Variants in ANKRD36B observed in about 807,000 individuals in gnomAD.
The protein encoded by ANKRD36B is ankyrin repeat domain-containing protein 36B.
In ANKRD36B, 37 loss-of-function variants were observed where a neutral mutation model predicts 135.7. That is an observed-to-expected ratio of 0.27 (90% confidence interval 0.21 to 0.36). ANKRD36B has a LOEUF of 0.36. Among genes scored for constraint, ANKRD36B ranks in the 10% least tolerant of loss-of-function variants. The pLI, the probability that ANKRD36B is intolerant of heterozygous loss-of-function variation, is 1.00. For synonymous variants in ANKRD36B, 179 were observed against 348.1 expected, an observed-to-expected ratio of 0.51 and a Z score of 5.41; for missense variants, 549 against 1,037.1, an observed-to-expected ratio of 0.53 and a Z score of 6.46.
At chr2:97,570,793 G>C (rs894461636) in intron 6 of ANKRD36B, among the ~76,000 whole-genome samples, 8 of 152,162 alleles carry the variant, frequency 5.3e-5, no homozygotes, top group African/African-American at 9.7e-5. Flanking sequence ...CCCAGAGTAG[G>C]ACTGTTTGCT....
chr2:97,549,546 T>C lies in ANKRD36B; in HGVS notation c.1404+40A>G, dbSNP rs749924435. The C allele has an allele frequency of 1.3e-5, 21 of 1,608,580 alleles. No homozygotes were observed. The South Asian group carries it at 2.2e-4, about 17-fold the overall frequency. On this transcript the variant is annotated intron_variant, in intron 19 of 43. Transcript: ENST00000359901. ...TAAATAAAGTATGTTTCATAGACCA[T>C]ACATTAACTAGTTCACAATATAAAT...
chr2:97,547,870 G>T, intron 20 of ANKRD36B, 139 bp from the exon 21 acceptor site: 1 of 1,302,132 alleles, frequency 7.7e-7, no homozygotes. Context: ...TTGTGTCTGG[G>T]GACTAGAACA....
At chr2:97,506,816 G>GAA in intron 43 of ANKRD36B, 1 of 253,396 alleles carries the variant, frequency 3.9e-6, no homozygotes, top group South Asian at 2.2e-5. Context: ...GATTTCTTGC[G>GAA]ATTTTTTTAA....
chr2:97,536,683 A>G (rs2078906601), intron 32 of ANKRD36B, among the ~76,000 whole-genome samples, 187 bp from the exon 33 acceptor site: 1 of 96,384 alleles, frequency 1.0e-5, no homozygotes, highest in South Asian at 2.3e-4. Flanking sequence ...TACAAGCTTC[A>G]AAAACATACA....
In ANKRD36B at chr2:97,553,143, C is replaced by T. The variant is rs773970122; in HGVS notation, c.1273+25G>A. 16 of 1,603,124 alleles carry T rather than the reference C, an allele frequency of 1.0e-5. No homozygotes were observed. In the Admixed American group the frequency reaches 2.4e-4, roughly 24 times the overall value. On this transcript the variant is annotated intron_variant, in intron 16 of 43. Coordinates refer to ENST00000359901, the MANE Select transcript of ANKRD36B (RefSeq NM_001393939.1). ...TCGTTTCTATCTGGATTGAACATGA[C>T]ATTGAATGTGTTTTGCAAAATTACC...
chr2:97,579,203 T>C (rs1258227245), intron 4 of ANKRD36B, among the ~76,000 whole-genome samples, 160 bp from the exon 5 acceptor site: 1 of 149,434 alleles, frequency 6.7e-6, no homozygotes, highest in African/African-American at 2.4e-5. Flanking sequence ...TCTTTGCAAG[T>C]TACCACAAAG....
chr2:97,531,480 G>A lies in ANKRD36B; in HGVS notation c.2265+831C>T, dbSNP rs376069292. ...TAAATGACGAGTTAATGGGTGCAGC[G>A]TACCAGCATGGCACATATATACATA... is the stretch of plus-strand genomic sequence containing the variant. On this transcript the variant is annotated intron_variant, in intron 35 of 43. Transcript: ENST00000359901. Among the ~76,000 whole-genome samples, 120 of 89,226 alleles carry A rather than the reference G, an allele frequency of 1.3e-3. 28 individuals carry two copies. In the East Asian group the frequency reaches 0.014, roughly 10 times the overall value. The allele number at this position is 89,226 out of a possible 152,430, so 58.5% of individuals were successfully genotyped here.
Position 97,535,721 on chromosome 2 carries a change from T to C in ANKRD36B, c.2191+579A>G, listed in dbSNP as rs574203733. On this transcript the variant is annotated intron_variant, in intron 34 of 43. Transcript: ENST00000359901. ...TCGCTAAAAACTATTGAATTCCAAA[T>C]TGGAAACTTCAGAGTATCAAAATGT... Among the ~76,000 whole-genome samples, 4 of 98,544 alleles carry C rather than the reference T, an allele frequency of 4.1e-5. 1 individual carries two copies. The highest frequency in any genetic ancestry group is 2.3e-4 in the South Asian group (1 of 4,276). 64.6% of individuals were successfully genotyped at this position (98,544 alleles called of 152,430 possible). A position where few individuals can be genotyped will look rare whatever the true frequency, so the allele number is the denominator to read the frequency against.
At chr2:97,539,484 G>A (rs1317015420) in intron 30 of ANKRD36B, among the ~76,000 whole-genome samples, 1 of 95,904 alleles carries the variant, frequency 1.0e-5, no homozygotes, top group African/African-American at 3.1e-5. Context: ...GAAAATATTC[G>A]AATATGCATC....
intron 35 of ANKRD36B, among the ~76,000 whole-genome samples, chr2:97,526,058 C>T (rs1336541931): frequency 1.0e-5 from 1 of 97,564 alleles, no homozygotes; most frequent in Non-Finnish European, 2.7e-5. Context: ...GCAGTGGTTC[C>T]CCCAGCCTGC....
intron 35 of ANKRD36B, among the ~76,000 whole-genome samples, chr2:97,525,536 T>C (rs1322870086): frequency 1.1e-5 from 1 of 95,036 alleles, no homozygotes; most frequent in Non-Finnish European, 2.8e-5. Flanking sequence ...CACTAGGGAG[T>C]GCCAGACAGT....
chr2:97,579,327 T>C (rs948971470), intron 4 of ANKRD36B, among the ~76,000 whole-genome samples: 1 of 135,020 alleles, frequency 7.4e-6, no homozygotes, highest in Non-Finnish European at 1.6e-5. Flanking sequence ...CTATCTACAG[T>C]AGGCAAATTT....
At chr2:97,535,964 C>G (rs2078865709) in intron 34 of ANKRD36B, among the ~76,000 whole-genome samples, 1 of 93,772 alleles carries the variant, frequency 1.1e-5, no homozygotes, top group South Asian at 2.4e-4. Flanking sequence ...ACTCGGGAGG[C>G]TGAGGCAGGA....
At chr2:97,546,548 T>A (rs2079487037) in intron 22 of ANKRD36B, among the ~76,000 whole-genome samples, 1 of 151,756 alleles carries the variant, frequency 6.6e-6, no homozygotes, top group African/African-American at 2.4e-5. Flanking sequence ...TTAGCCTCAA[T>A]AAAGATATCA....
chr2:97,586,539 G>C (rs2922623), intron 1 of ANKRD36B, among the ~76,000 whole-genome samples: 43 of 152,240 alleles, frequency 2.8e-4, no homozygotes, highest in Middle Eastern at 3.4e-3. Flanking sequence ...ATGGTGGAAT[G>C]TGTCTGCTAC....
chr2:97,532,186 T>C lies in ANKRD36B; in HGVS notation c.2265+125A>G, dbSNP rs2078635670. The stretch of plus-strand genomic sequence containing the variant: ...ATAACTAAATGTTTTTAAAATGAAA[T>C]ATTAAATTATAATCAACTGATACTA... On this transcript the variant is annotated intron_variant, in intron 35 of 43. Coordinates refer to ENST00000359901, the MANE Select transcript of ANKRD36B (RefSeq NM_001393939.1). 1.4e-5 allele frequency: 7 copies of C among 489,334 alleles called. 1 individual carries two copies. Among genetic ancestry groups the C allele is most frequent in the South Asian group, 1.0e-4 (6 of 59,182 alleles). The allele number at this position is 489,334 out of a possible 1,614,324, so 30.3% of individuals were successfully genotyped here. A position where few individuals can be genotyped will look rare whatever the true frequency, so the allele number is the denominator to read the frequency against.
At chr2:97,528,264 C>A in intron 35 of ANKRD36B, among the ~76,000 whole-genome samples, 1 of 94,868 alleles carries the variant, frequency 1.1e-5, no homozygotes, top group Non-Finnish European at 2.8e-5. Context: ...AAAAACCGCT[C>A]AACTACATGG....
In ANKRD36B at chr2:97,532,364, C is replaced by T. The variant is rs775176823; in HGVS notation, c.2212G>A (p.Ala738Thr). The T allele has an allele frequency of 1.3e-6, 1 of 776,824 alleles. No individual in the cohort carries two copies. Among genetic ancestry groups the T allele is most frequent in the South Asian group, 1.3e-5 (1 of 74,198 alleles). 48.1% of individuals were successfully genotyped at this position (776,824 alleles called of 1,614,324 possible). ...STPAEQDLEM[A>T]SEGEQKRLEE... ...AGCCTCTTTTGCTCTCCCTCTGATG[C>T]CATTTCTAAGTCTTGTTCTGCTAAA... The change falls in exon 35 of 44, where the codon GCA becomes ACA. Residue 738 changes from alanine (A) to threonine (T), a missense_variant. Physicochemically the swap from Ala to Thr is moderately conservative, Grantham distance 58 (BLOSUM62 0). Coordinates refer to ENST00000359901, the MANE Select transcript of ANKRD36B (RefSeq NM_001393939.1).
chr2:97,579,421 C>A (rs2082436629), intron 4 of ANKRD36B, among the ~76,000 whole-genome samples: 1 of 145,192 alleles, frequency 6.9e-6, no homozygotes, highest in South Asian at 2.1e-4. Context: ...TAAGAGCTAT[C>A]TGCAGGCTTA....
Sources: allele counts gnomAD v4.1 joint callset (sites outside exome capture counted in the v4.1 genomes callset), GRCh38; gene constraint gnomAD v4.1.1; transcripts MANE v1.5; gene names NCBI Gene and HGNC (gene_info 2026-07-23, HGNC 2026-07-21).